Variants in FHAD1 observed in about 807,000 individuals in gnomAD.
FHAD1 encodes forkhead associated phosphopeptide binding domain 1, also known as forkhead-associated domain-containing protein 1.
FHAD1 carries 146 observed loss-of-function variants against 191.3 expected under a neutral mutation model. That is an observed-to-expected ratio of 0.76 (90% confidence interval 0.67 to 0.88). FHAD1 has a LOEUF of 0.88. Among genes scored for constraint, FHAD1 ranks in the 40% least tolerant of loss-of-function variants. The pLI is 0.00. For missense variants in FHAD1, 1,635 were observed against 1,785.8 expected, an observed-to-expected ratio of 0.92 and a Z score of 1.52; for synonymous variants, 616 against 672.3, an observed-to-expected ratio of 0.92 and a Z score of 1.29.
intron 1 of FHAD1, among the ~76,000 whole-genome samples, chr1:15,248,622 C>T (rs961316683): frequency 2.6e-5 from 4 of 150,994 alleles, no homozygotes; most frequent in African/African-American, 9.8e-5. Context: ...TGCTCTGTCT[C>T]CCAAGCTAGA....
chr1:15,356,974 G>A (rs1257855409), intron 20 of FHAD1, among the ~76,000 whole-genome samples: 1 of 152,132 alleles, frequency 6.6e-6, no homozygotes, highest in Admixed American at 6.5e-5. Flanking sequence ...GATGGAAGCC[G>A]ATTTCTTTTC....
rs531314698 is a variant in FHAD1 at position 15,272,258 on chromosome 1, C to T, written c.94-65C>T. 5.5e-6 allele frequency: 8 copies of T among 1,463,278 alleles called. No individual in the cohort carries two copies. In the Admixed American group the frequency reaches 1.6e-4, roughly 29 times the overall value. 90.6% of individuals were successfully genotyped at this position (1,463,278 alleles called of 1,614,324 possible). A position where few individuals can be genotyped will look rare whatever the true frequency, so the allele number is the denominator to read the frequency against. Reference sequence around the variant, plus strand: ...GGCAAAACAGGTAAGGCACTCAGCTCAAAACATTAGGGGCCGTGTCATTTT... The same window carrying T: ...GGCAAAACAGGTAAGGCACTCAGCTTAAAACATTAGGGGCCGTGTCATTTT... On this transcript the variant is annotated intron_variant, in intron 2 of 33. Coordinates refer to ENST00000688493, the MANE Select transcript of FHAD1 (RefSeq NM_001391957.1).
At chr1:15,246,941 C>T (rs774506165), upstream of FHAD1, among the ~76,000 whole-genome samples, 1 of 152,158 alleles carries the variant, frequency 6.6e-6, no homozygotes, top group African/African-American at 2.4e-5. Context: ...CTCTCCCTAT[C>T]GCCCCCGACC....
chr1:15,305,485 A>G (rs867031759), intron 6 of FHAD1, among the ~76,000 whole-genome samples: 15 of 152,142 alleles, frequency 9.9e-5, no homozygotes, highest in African/African-American at 3.6e-4. Flanking sequence ...GATCCGTGCA[A>G]TCCCAAGCAA....
chr1:15,324,885 GT>G (rs1677765393), intron 11 of FHAD1: 1 of 357,960 alleles, frequency 2.8e-6, no homozygotes, highest in Admixed American at 3.8e-5. Flanking sequence ...TCTCCTTAAT[GT>G]TTTTAGTCCT....
At chr1:15,385,071 G>T (rs561771166) in intron 31 of FHAD1, among the ~76,000 whole-genome samples, 6 of 151,486 alleles carry the variant, frequency 4.0e-5, no homozygotes, top group African/African-American at 1.5e-4. Flanking sequence ...TGCATTTAAG[G>T]TTTGTGACTA....
intron 2 of FHAD1, among the ~76,000 whole-genome samples, chr1:15,267,936 A>G (rs1220400876): frequency 1.1e-5 from 1 of 90,368 alleles, no homozygotes; most frequent in African/African-American, 4.3e-5. Context: ...TAGCATATAA[A>G]TAGGAATATA....
rs35252287 is a variant in FHAD1, at chr1:15,366,284, C to CAAAAAA, written c.3154+371_3154+376dup. 3.2e-3 allele frequency among the ~76,000 whole-genome samples: 142 copies of CAAAAAA among 44,090 alleles called. 2 individuals are homozygous for CAAAAAA. Among genetic ancestry groups the CAAAAAA allele is most frequent in the East Asian group, 9.0e-3 (12 of 1,338 alleles). 28.9% of individuals were successfully genotyped at this position (44,090 alleles called of 152,430 possible). Reference sequence around the variant, plus strand: ...TGAGCGACAAAGCGAGACTCTGTCTCAAAAAAAAAAAAAAAAAAAAAAAAA... The same window carrying CAAAAAA: ...TGAGCGACAAAGCGAGACTCTGTCTCAAAAAAAAAAAAAAAAAAAAAAAAAAAAAAA... On this transcript the variant is annotated intron_variant, in intron 24 of 33. Transcript: ENST00000688493.
chr1:15,383,911 T>C (rs1391358518), intron 31 of FHAD1: 1 of 440,516 alleles, frequency 2.3e-6, no homozygotes, highest in Admixed American at 2.5e-5. Context: ...CTGGTTCTCC[T>C]GCTGTCTGCA....
chr1:15,285,748 G>C (rs1662209328), intron 3 of FHAD1, among the ~76,000 whole-genome samples: 1 of 152,180 alleles, frequency 6.6e-6, no homozygotes, highest in African/African-American at 2.4e-5. Context: ...CTCAAAACCA[G>C]CTTCTCTGTT....
chr1:15,320,602 G>A (rs901551766), intron 10 of FHAD1, among the ~76,000 whole-genome samples: 1 of 152,178 alleles, frequency 6.6e-6, no homozygotes, highest in East Asian at 1.9e-4. Flanking sequence ...ATCACAAGAT[G>A]TTCCTCTTCA....
chr1:15,319,525 C>T (rs59469487), intron 10 of FHAD1, among the ~76,000 whole-genome samples: 2 of 152,096 alleles, frequency 1.3e-5, no homozygotes, highest in African/African-American at 2.4e-5. Context: ...CTTTGGAGGC[C>T]GAGACAGGAG....
intron 31 of FHAD1, among the ~76,000 whole-genome samples, chr1:15,382,491 A>G (rs1330863174): frequency 6.6e-6 from 1 of 152,196 alleles, no homozygotes; most frequent in Non-Finnish European, 1.5e-5. Context: ...CTAGGGATAC[A>G]TAAGCTCTCA....
chr1:15,260,691 G>A (rs143833420), intron 2 of FHAD1, among the ~76,000 whole-genome samples: 5 of 152,206 alleles, frequency 3.3e-5, no homozygotes, highest in Non-Finnish European at 5.9e-5. Context: ...TTCAAAACCA[G>A]CAACAATGGT....
At chr1:15,402,773 A>C (rs981873469), downstream of FHAD1, among the ~76,000 whole-genome samples, 1 of 152,146 alleles carries the variant, frequency 6.6e-6, no homozygotes, top group African/African-American at 2.4e-5. Context: ...TTATACCCAC[A>C]ACTGCTTAAT....
At chr1:15,277,669 C>T (rs1054856321) in intron 3 of FHAD1, among the ~76,000 whole-genome samples, 16 of 152,152 alleles carry the variant, frequency 1.1e-4, no homozygotes, top group Non-Finnish European at 2.1e-4. Flanking sequence ...TTCACATGCT[C>T]ATGGGGGATG....
Position 15,358,538 on chromosome 1 carries a change from G to A in FHAD1, c.2736+255G>A, listed in dbSNP as rs180962955. On this transcript the variant is annotated intron_variant, in intron 21 of 33. Transcript: ENST00000688493. ...CAAAAATGTCTTCAGACATTGCCAA[G>A]TGTCCCTTAATGGACCCCTAATGAG... Among the ~76,000 whole-genome samples the A allele has an allele frequency of 1.1e-4, 16 of 152,322 alleles. No individual in the cohort carries two copies. The East Asian group carries it at 2.7e-3, about 26-fold the overall frequency.
chr1:15,402,426 C>T (rs1393532348), downstream of FHAD1, among the ~76,000 whole-genome samples: 2 of 152,148 alleles, frequency 1.3e-5, no homozygotes, highest in East Asian at 3.9e-4. Context: ...TGTTGGTGTG[C>T]TGCACCCAAG....
intron 21 of FHAD1, among the ~76,000 whole-genome samples, chr1:15,360,269 A>G (rs1345420579): frequency 3.9e-5 from 6 of 152,242 alleles, no homozygotes; most frequent in Non-Finnish European, 7.3e-5. Context: ...CTCTCAGAGG[A>G]CGTGATGCTG....
Sources: allele counts gnomAD v4.1 joint callset (sites outside exome capture counted in the v4.1 genomes callset), GRCh38; gene constraint gnomAD v4.1.1; transcripts MANE v1.5; gene names NCBI Gene and HGNC (gene_info 2026-07-23, HGNC 2026-07-21).